Variants in GUCD1 observed in about 807,000 individuals in gnomAD.
The protein encoded by GUCD1 is protein GUCD1.
In GUCD1, 17 loss-of-function variants were observed where a neutral mutation model predicts 28.3. The ratio of observed to expected loss-of-function variants is 0.60; its 90% CI spans 0.41 to 0.90. GUCD1 has a LOEUF of 0.90. Among genes scored for constraint, GUCD1 ranks in the 40% least tolerant of loss-of-function variants. The pLI is 0.00. For synonymous variants in GUCD1, 129 were observed against 123.3 expected (o/e 1.05, Z -0.30); for missense variants, 279 against 305.5 (o/e 0.91, Z 0.65).
At chr22:24,553,122 G>A (rs1044861384) in intron 1 of GUCD1, among the ~76,000 whole-genome samples, 1 of 152,236 alleles carries the variant, frequency 6.6e-6, no homozygotes, top group Non-Finnish European at 1.5e-5. Context: ...ATGCCTGCCT[G>A]TTCAAGAACC....
Position 24,547,964 on chromosome 22 carries a change from C to G in GUCD1, c.238G>C (p.Val80Leu). 1 of 1,614,222 alleles carries G rather than the reference C, an allele frequency of 6.2e-7. No homozygotes were observed. The highest frequency in any genetic ancestry group is 1.1e-5 in the South Asian group (1 of 91,086). Residue 80 changes from valine (V) to leucine (L), a missense_variant, in exon 3 of 6, where the codon GTG becomes CTG. Val to Leu is a conservative substitution (Grantham distance 32). Transcript: ENST00000435822. Reference protein sequence around the residue: ...DLAYLMHHFGVRHRFCTQTLG... With the variant: ...DLAYLMHHFGLRHRFCTQTLG... The stretch of plus-strand genomic sequence containing the variant: ...GTCTGGGTACAGAAGCGGTGCCTCA[C>G]GCCAAAGTGGTGCATCAGGTAGGCC...
At chr22:24,554,878 C>A in intron 1 of GUCD1, 71 bp downstream of exon 1, 1 of 1,299,428 alleles carries the variant, frequency 7.7e-7, no homozygotes, top group Non-Finnish European at 1.1e-6. Flanking sequence ...CGCGACTGGA[C>A]CCTGCCCCGC....
At chr22:24,549,544 C>T (rs1313741407) in intron 1 of GUCD1, among the ~76,000 whole-genome samples, 2 of 152,170 alleles carry the variant, frequency 1.3e-5, no homozygotes, top group Admixed American at 6.5e-5. Context: ...CAGGGTCTTG[C>T]TCTGTCGCAC....
chr22:24,546,844 C>CCT (rs1480189434), intron 4 of GUCD1, 70 bp downstream of exon 4: 1 of 1,352,956 alleles, frequency 7.4e-7, no homozygotes, highest in African/African-American at 1.4e-5. Flanking sequence ...CATCCCGAGG[C>CCT]CTCCCCACTG....
chr22:24,543,934 C>T lies in GUCD1; in HGVS notation c.536G>A (p.Arg179His), dbSNP rs150870261. ...FTPSGHHCFC[R>H]TPDYQGHFIV... ...GAAGTGGCCCTGGTAGTCAGGAGTG[C>T]GGCAGAAGCAGTGGTGGCCACTGGG... is the stretch of plus-strand genomic sequence containing the variant. Residue 179 changes from arginine to histidine, a missense_variant, in exon 5 of 6, where the codon CGC becomes CAC. Coordinates refer to ENST00000435822, the MANE Select transcript of GUCD1 (RefSeq NM_001284254.2). The T allele has an allele frequency of 3.7e-5, 59 of 1,613,868 alleles. No homozygotes were observed. Among genetic ancestry groups the T allele is most frequent in the Admixed American group, 5.0e-5 (3 of 59,982 alleles).
chr22:24,541,344 G>A lies in GUCD1; in HGVS notation c.*1662C>T, dbSNP rs2044587100. ...AGCAGGACCCAGGAGTGCAGGGATG[G>A]TATCACTGTTGCCCCTTTGAAAATG... On this transcript the variant is annotated 3_prime_UTR_variant, in exon 6 of 6. Transcript: ENST00000435822. 6.6e-6 allele frequency: 1 copy of A among 152,328 alleles called. No homozygotes were observed. Among genetic ancestry groups the A allele is most frequent in the African/African-American group, 2.4e-5 (1 of 41,452 alleles). The allele number at this position is 152,328 out of a possible 1,614,324, so 9.4% of individuals were successfully genotyped here. A position where few individuals can be genotyped will look rare whatever the true frequency, so the allele number is the denominator to read the frequency against.
chr22:24,551,582 T>G (rs1019101170), intron 1 of GUCD1, among the ~76,000 whole-genome samples: 6 of 152,220 alleles, frequency 3.9e-5, no homozygotes, highest in Non-Finnish European at 5.9e-5. Context: ...TGAGGATCCC[T>G]CTGTCTGAAA....
At chr22:24,555,865 C>A (rs551696359), upstream of GUCD1, 1 of 1,525,720 alleles carries the variant, frequency 6.6e-7, no homozygotes, top group Non-Finnish European at 8.8e-7. Flanking sequence ...GTACTGGTGC[C>A]CTAGTTTCCC....
upstream of GUCD1, chr22:24,555,840 G>T: frequency 1.9e-6 from 3 of 1,542,714 alleles, no homozygotes; most frequent in Middle Eastern, 2.2e-4. Context: ...CCTCTTTTCC[G>T]GTGCCGGAAC....
chr22:24,555,614 C>A (rs757072755), upstream of GUCD1: 2 of 1,550,676 alleles, frequency 1.3e-6, no homozygotes, highest in South Asian at 2.4e-5. Flanking sequence ...GCCCCCCTTA[C>A]CTGGCGGTGC....
rs750740317 is a variant in GUCD1 at position 24,548,030 on chromosome 22, G to C, written c.172C>G (p.Gln58Glu). 1.2e-6 allele frequency: 2 copies of C among 1,614,020 alleles called. No individual in the cohort carries two copies. Among genetic ancestry groups the C allele is most frequent in the African/African-American group, 2.7e-5 (2 of 74,938 alleles). Residue 58 changes from glutamine (Q) to glutamate (E), a missense_variant, in exon 3 of 6, where the codon CAG (glutamine) becomes GAG (glutamate). By Grantham distance (29) the Gln-to-Glu change is conservative. Transcript: ENST00000435822. ...ATGCTCCTGGTCAGCTGCAGCTTCT[G>C]CAGGGCTCTCTCAAACTCACTGTCG... ...LDDSEFERAL[Q>E]KLQLTRSIWT... is the part of the protein sequence containing the mutation.
At chr22:24,548,751 T>C (rs2044793600) in intron 2 of GUCD1, among the ~76,000 whole-genome samples, 166 bp downstream of exon 2, 1 of 152,170 alleles carries the variant, frequency 6.6e-6, no homozygotes, top group South Asian at 2.1e-4. Flanking sequence ...GGTCCACCCC[T>C]TGCTCACTTT....
chr22:24,540,654 G>C lies in GUCD1; in HGVS notation c.*2352C>G, dbSNP rs2044570457. 1 of 152,230 alleles carries C rather than the reference G, an allele frequency of 6.6e-6. No individual in the cohort carries two copies. The highest frequency in any genetic ancestry group is 1.5e-5 in the Non-Finnish European group (1 of 68,066). 9.4% of individuals were successfully genotyped at this position (152,230 alleles called of 1,614,324 possible). A position where few individuals can be genotyped will look rare whatever the true frequency, so the allele number is the denominator to read the frequency against. ...TGTGGGCAAAAGTCCCTGATGTCCA[G>C]GCTCTCTGGCTCCATTTTCATGACT... is the stretch of plus-strand genomic sequence containing the variant. On this transcript the variant is annotated 3_prime_UTR_variant, in exon 6 of 6. Coordinates refer to ENST00000435822, the MANE Select transcript of GUCD1 (RefSeq NM_001284254.2).
chr22:24,544,178 C>T, intron 4 of GUCD1, 95 bp from the exon 5 acceptor site: 2 of 1,515,772 alleles, frequency 1.3e-6, no homozygotes, highest in South Asian at 1.3e-5. Context: ...TGTTACAAAG[C>T]TTGGGGATCG....
chr22:24,555,430 C>A, upstream of GUCD1: 6 of 1,164,878 alleles, frequency 5.2e-6, no homozygotes, highest in Non-Finnish European at 7.0e-6. Context: ...CAAGCCCCGC[C>A]TCTGCCGGGT....
intron 3 of GUCD1, chr22:24,547,424 CTA>C (rs1235499487): frequency 5.1e-6 from 1 of 194,544 alleles, no homozygotes; most frequent in Non-Finnish European, 1.1e-5. Flanking sequence ...GCTGGCATGG[CTA>C]TGTTGGCATT....
rs62231931 is a variant in GUCD1 at position 24,544,014 on chromosome 22, C to T, written c.456G>A (p.Ser152=). 17,462 of 1,613,876 alleles carry T rather than the reference C, an allele frequency of 0.011. 141 individuals are homozygous for T. The highest frequency in any genetic ancestry group is 0.015 in the South Asian group (1,365 of 91,080). ...QGHVAIVLVN[S]GVLHCDLCSS... is the part of the protein sequence containing the mutation. ...AGCACAGGTCACAGTGCAGCACCCC[C>T]GAGTTCACCAGCACGATGGCCACAT... The change falls in exon 5 of 6, where the codon TCG becomes TCA. Residue 152 remains serine, a synonymous_variant. Transcript: ENST00000435822.
intron 4 of GUCD1, 22 bp from the exon 5 acceptor site, chr22:24,544,105 G>A (rs1360000782): frequency 6.3e-7 from 1 of 1,599,044 alleles, no homozygotes; most frequent in South Asian, 1.1e-5. Flanking sequence ...AGGGGGGTCA[G>A]CTGGTGCTGC....
chr22:24,547,310 G>A, intron 3 of GUCD1: 1 of 358,728 alleles, frequency 2.8e-6, no homozygotes, highest in Middle Eastern at 8.8e-4. Context: ...TGGCAGGCAT[G>A]AGCAGGAGCC....
Sources: allele counts gnomAD v4.1 joint callset (sites outside exome capture counted in the v4.1 genomes callset), GRCh38; gene constraint gnomAD v4.1.1; transcripts MANE v1.5; gene names NCBI Gene and HGNC (gene_info 2026-07-23, HGNC 2026-07-21).